Variants in NFAT5 observed in about 807,000 individuals in gnomAD.
The protein encoded by NFAT5 is nuclear factor of activated T-cells 5.
A neutral mutation model predicts 166.5 loss-of-function variants in NFAT5; 31 were observed. That is an observed-to-expected ratio of 0.19 (90% CI 0.14 to 0.25). The LOEUF is 0.25. Ranked by LOEUF, NFAT5 falls within the 10% of genes least tolerant of loss-of-function variation. NFAT5 has a pLI of 1.00. For synonymous variants in NFAT5, 612 were observed against 639.7 expected, an observed-to-expected ratio of 0.96 and a Z score of 0.65; for missense variants, 1,449 against 1,821.8, an observed-to-expected ratio of 0.80 and a Z score of 3.72.
At chr16:69,604,224 TC>T (rs950347796) in intron 2 of NFAT5, among the ~76,000 whole-genome samples, 1 of 152,164 alleles carries the variant, frequency 6.6e-6, no homozygotes, top group African/African-American at 2.4e-5. Flanking sequence ...ACTCCGTACT[TC>T]CTACTGTGAT....
chr16:69,661,799 A>C (rs2036157573), intron 7 of NFAT5, among the ~76,000 whole-genome samples: 2 of 152,188 alleles, frequency 1.3e-5, no homozygotes, highest in African/African-American at 4.8e-5. Flanking sequence ...GGATAGTTAC[A>C]GTGTGCCTAA....
chr16:69,666,354 A>G (rs2036378487), intron 7 of NFAT5, among the ~76,000 whole-genome samples: 1 of 152,082 alleles, frequency 6.6e-6, no homozygotes, highest in Non-Finnish European at 1.5e-5. Flanking sequence ...TCTGCACAGC[A>G]AAAGAAACTA....
chr16:69,618,219 T>C (rs918471443), intron 2 of NFAT5, among the ~76,000 whole-genome samples: 2 of 151,854 alleles, frequency 1.3e-5, no homozygotes, highest in Non-Finnish European at 2.9e-5. Context: ...CAAATTGATA[T>C]AATTTATACT....
At chr16:69,614,560 C>T (rs2033851507) in intron 2 of NFAT5, among the ~76,000 whole-genome samples, 1 of 152,166 alleles carries the variant, frequency 6.6e-6, no homozygotes, top group Non-Finnish European at 1.5e-5. Context: ...TAATTTATTG[C>T]TTTTTTTCTG....
chr16:69,626,501 T>C lies in NFAT5; in HGVS notation c.226T>C (p.Ser76Pro). The part of the protein sequence containing the change: ...MSQTSGGEAG[S>P]PPPAVVAADA... ...TCAGACAAGCGGTGGTGAGGCAGGC[T>C]CGCCTCCTCCAGCTGTTGTTGCTGC... Residue 76 changes from serine to proline, a missense_variant, in exon 3 of 15, where the codon TCG (serine) becomes CCG (proline). Ser to Pro is a moderately conservative substitution (Grantham distance 74, BLOSUM62 -1). Coordinates refer to ENST00000349945, the MANE Select transcript of NFAT5 (RefSeq NM_138713.4). 1 of 1,573,688 alleles carries C rather than the reference T, an allele frequency of 6.4e-7. No homozygotes were observed. The highest frequency in any genetic ancestry group is 1.2e-5 in the South Asian group (1 of 83,804).
Position 69,693,438 on chromosome 16 carries a change from C to G in NFAT5, c.3613C>G (p.Pro1205Ala). The G allele has an allele frequency of 2.5e-6, 4 of 1,614,194 alleles. No homozygotes were observed. Among genetic ancestry groups the G allele is most frequent in the Non-Finnish European group, 2.5e-6 (3 of 1,180,036 alleles). The change falls in exon 13 of 15, where the codon CCA (proline) becomes GCA (alanine). Residue 1205 changes from proline to alanine, a missense_variant. Around this residue, in one of 7 missense-constraint regions of NFAT5, gnomAD observed 891 missense variants for 993.0 expected, o/e 0.90. Transcript: ENST00000349945. ...ACAAGCTGCTTTCCAACAGCAAGCT[C>G]CAATATCACACATCCAGACTCCTAT... ...EQQAAFQQQA[P>A]ISHIQTPMLS...
At chr16:69,586,275 A>T (rs1161038298) in intron 2 of NFAT5, among the ~76,000 whole-genome samples, 1 of 152,210 alleles carries the variant, frequency 6.6e-6, no homozygotes, top group Non-Finnish European at 1.5e-5. Context: ...AAGTGAGATG[A>T]CCTAAATACC....
At position 69,702,030 on chromosome 16, in the gene NFAT5, T is replaced by C. The variant is rs1192133706; in HGVS notation, c.*5679T>C. 1.3e-5 allele frequency: 2 copies of C among 152,584 alleles called. No individual in the cohort carries two copies. The allele number at this position is 152,584 out of a possible 1,614,324, so 9.5% of individuals were successfully genotyped here. A position where few individuals can be genotyped will look rare whatever the true frequency, so the allele number is the denominator to read the frequency against. ...ACAGCGGTGGTGCTTAAAGAAAGGA[T>C]CATCAGCAACAGGTCAGGATAGTTC... On this transcript the variant is annotated 3_prime_UTR_variant, in exon 15 of 15. Transcript: ENST00000349945.
At chr16:69,662,735 C>T (rs2036207304) in intron 7 of NFAT5, among the ~76,000 whole-genome samples, 1 of 152,152 alleles carries the variant, frequency 6.6e-6, no homozygotes, top group Non-Finnish European at 1.5e-5. Context: ...GCTGGGGTTA[C>T]AGGCGTGAGC....
chr16:69,673,724 C>CA (rs149862885), intron 9 of NFAT5, among the ~76,000 whole-genome samples: 27 of 136,104 alleles, frequency 2.0e-4, no homozygotes, highest in East Asian at 1.1e-3. Context: ...CTGTCTCAAA[C>CA]AAAAAAAAAA....
At chr16:69,652,091 C>T (rs776310882) in intron 4 of NFAT5, among the ~76,000 whole-genome samples, 2 of 152,148 alleles carry the variant, frequency 1.3e-5, no homozygotes, top group Non-Finnish European at 2.9e-5. Flanking sequence ...ATTTGGGATA[C>T]TGTTTTTCTT....
chr16:69,584,625 C>CA (rs2031924255), intron 2 of NFAT5, among the ~76,000 whole-genome samples: 1 of 151,560 alleles, frequency 6.6e-6, no homozygotes, highest in African/African-American at 2.4e-5. Flanking sequence ...ACCATCTCTA[C>CA]AAAAAATAAA....
rs372843455 is a variant in NFAT5, at chr16:69,610,507, G to C, written c.128-15896G>C. ...TTATTGAAATGCCCATTATGTGCCA[G>C]GCATAATAATATAGTAAGTAAAATA... On this transcript the variant is annotated intron_variant, in intron 2 of 14. Transcript: ENST00000349945. Among the ~76,000 whole-genome samples the C allele has an allele frequency of 1.3e-3, 192 of 152,216 alleles. 1 individual carries two copies. The highest frequency in any genetic ancestry group is 2.3e-3 in the South Asian group (11 of 4,824).
rs1198582391 is a variant in NFAT5 at position 69,691,980 on chromosome 16, A to G, written c.2155A>G (p.Ser719Gly). ...AVSASSQLPN[S>G]DALLQQATQF... ...TTCTGCTTCTAGTCAGCTGCCCAAC[A>G]GCGATGCACTATTGCAGCAGGCTAC... is the stretch of plus-strand genomic sequence containing the variant. Residue 719 changes from serine (S) to glycine (G), a missense_variant, in exon 13 of 15, where the codon AGC becomes GGC. By Grantham distance (56) the Ser-to-Gly change is moderately conservative. Coordinates refer to ENST00000349945, the MANE Select transcript of NFAT5 (RefSeq NM_138713.4). 6.2e-7 allele frequency: 1 copy of G among 1,614,080 alleles called. No individual in the cohort carries two copies. Among genetic ancestry groups the G allele is most frequent in the Admixed American group, 1.7e-5 (1 of 59,994 alleles).
Position 69,694,241 on chromosome 16 carries a change from TAAG to T in NFAT5, c.4414+5_4414+7del. 1 of 1,591,998 alleles carries T rather than the reference TAAG, an allele frequency of 6.3e-7. No homozygotes were observed. Among genetic ancestry groups the T allele is most frequent in the Non-Finnish European group, 8.6e-7 (1 of 1,168,778 alleles). On this transcript the variant is annotated splice_donor_5th_base_variant and intron_variant, in intron 13 of 14. Coordinates refer to ENST00000349945, the MANE Select transcript of NFAT5 (RefSeq NM_138713.4). ...TGTTCTTATTTGGCATTCAAAATAG[TAAG>T]AAACTCTAATTTTTCATTACTTAAT...
At chr16:69,633,795 A>G (rs759777437) in intron 3 of NFAT5, among the ~76,000 whole-genome samples, 3 of 152,160 alleles carry the variant, frequency 2.0e-5, no homozygotes, top group Non-Finnish European at 2.9e-5. Flanking sequence ...GTAGTTAACA[A>G]TACTATATAG....
Position 69,647,776 on chromosome 16 carries a change from A to G in NFAT5, c.812+190A>G, listed in dbSNP as rs2035501040. 6.6e-6 allele frequency among the ~76,000 whole-genome samples: 1 copy of G among 152,170 alleles called. No homozygotes were observed. ...TTACTAGATAGAAAATAAAATAATCATAGATTCTAGCAATAGATATCTTAT... is the reference window on the plus strand; with the variant it reads ...TTACTAGATAGAAAATAAAATAATCGTAGATTCTAGCAATAGATATCTTAT... On this transcript the variant is annotated intron_variant, in intron 4 of 14. Transcript: ENST00000349945. This position sits in a 1 kb window ranked among gnomAD's most constrained non-coding sequence, Gnocchi z 4.8.
intron 7 of NFAT5, 79 bp from the exon 8 acceptor site, chr16:69,669,898 C>T: frequency 7.9e-7 from 1 of 1,269,434 alleles, no homozygotes; most frequent in Non-Finnish European, 1.1e-6. Flanking sequence ...ACTCATAGAA[C>T]CGGATGATTG....
rs1374031782 is a variant in NFAT5, at chr16:69,566,186, AGCCGCCCTCGCGTC to A, written c.-108_-95del. The A allele has an allele frequency of 3.7e-6, 3 of 816,626 alleles. No homozygotes were observed. The highest frequency in any genetic ancestry group is 2.8e-5 in the East Asian group (1 of 35,178). 50.6% of individuals were successfully genotyped at this position (816,626 alleles called of 1,614,324 possible). On this transcript the variant is annotated 5_prime_UTR_variant, in exon 1 of 15. Coordinates refer to ENST00000349945, the MANE Select transcript of NFAT5 (RefSeq NM_138713.4). The surrounding 1 kb of genome is among the most constrained non-coding windows in gnomAD (Gnocchi z 5.7). ...CTACCCTCGAGGAGGAGGCAGCGGC[AGCCGCCCTCGCGTC>A]GCCGCCCCCGGTTCGGTGCCCGCGG...
Sources: gnomAD v4.1 joint callset for allele counts (sites outside exome capture counted in the v4.1 genomes callset) on GRCh38, gnomAD v4.1.1 for gene constraint, gnomAD v4.1.1 regional missense constraint, Gnocchi (gnomAD v3.1) non-coding constraint, MANE v1.5 for transcripts, NCBI Gene and HGNC (gene_info 2026-07-23, HGNC 2026-07-21) for gene names.